The following ERC2 variants were observed in gnomAD, a reference collection of about 807,000 sequenced individuals.
The protein encoded by ERC2 is ERC protein 2.
A neutral mutation model predicts 114.8 loss-of-function variants in ERC2; 42 were observed. The ratio of observed to expected loss-of-function variants is 0.37; its 90% CI spans 0.29 to 0.47. The LOEUF is 0.47. Ranked by LOEUF, ERC2 falls within the 20% of genes least tolerant of loss-of-function variation. The pLI is 0.99. For synonymous variants in ERC2, 454 were observed against 425.5 expected (o/e 1.07, Z -0.82); for missense variants, 939 against 1,150.7 (o/e 0.82, Z 2.66).
intron 17 of ERC2, among the ~76,000 whole-genome samples, chr3:55,620,467 G>A (rs1425049482): frequency 5.3e-5 from 8 of 152,160 alleles, no homozygotes; most frequent in Admixed American, 2.6e-4. Context: ...CCCTAAAGCA[G>A]CACGGACTTG....
In ERC2 at chr3:55,733,534, TCTCTCTCTCACACA is replaced by T. The variant is rs1271996120; in HGVS notation, c.2712+1223_2712+1236del. 1.6e-3 allele frequency among the ~76,000 whole-genome samples: 91 copies of T among 55,566 alleles called. 1 individual carries two copies. Among genetic ancestry groups the T allele is most frequent in the East Asian group, 8.1e-3 (22 of 2,716 alleles). 36.5% of individuals were successfully genotyped at this position (55,566 alleles called of 152,430 possible). ...CATTCTCTCTGTCTCTCATTCTTTC[TCTCTCTCTCACACA>T]CACACACACACACACACACACACAC... On this transcript the variant is annotated intron_variant, in intron 15 of 17. Transcript: ENST00000288221.
At chr3:55,568,541 C>T (rs1241074753) in intron 17 of ERC2, among the ~76,000 whole-genome samples, 5 of 152,212 alleles carry the variant, frequency 3.3e-5, no homozygotes, top group Non-Finnish European at 7.3e-5. Context: ...GTTCCACATC[C>T]AATATTTCAG....
At chr3:55,916,540 G>A (rs1345705011) in intron 13 of ERC2, among the ~76,000 whole-genome samples, 2 of 152,046 alleles carry the variant, frequency 1.3e-5, no homozygotes, top group African/African-American at 2.4e-5. Flanking sequence ...AAGTTACACC[G>A]ACTACACCTC....
At chr3:56,390,410 C>T (rs141723402) in intron 2 of ERC2, among the ~76,000 whole-genome samples, 1 of 152,260 alleles carries the variant, frequency 6.6e-6, no homozygotes, top group East Asian at 1.9e-4. Flanking sequence ...CTGCCCCTTA[C>T]CTAAATGGTT....
chr3:56,142,215 A>C (rs2080894503), intron 5 of ERC2, among the ~76,000 whole-genome samples: 1 of 152,178 alleles, frequency 6.6e-6, no homozygotes, highest in Non-Finnish European at 1.5e-5. Context: ...TTTGCAGGAA[A>C]CGTCTAAAAA....
intron 3 of ERC2, among the ~76,000 whole-genome samples, chr3:56,203,195 A>C (rs2048504718): frequency 6.6e-6 from 1 of 152,242 alleles, no homozygotes; most frequent in African/African-American, 2.4e-5. Context: ...ATCAGAGACC[A>C]TCAAGAATGG....
Position 56,239,220 on chromosome 3 carries a change from T to C in ERC2, c.1074+56799A>G, listed in dbSNP as rs529530154. The stretch of plus-strand genomic sequence containing the variant: ...AGACTCAGCATCCAAACAATAACTT[T>C]ATAAAGAATAAACGAGCCAGGCATG... On this transcript the variant is annotated intron_variant, in intron 3 of 17. Coordinates refer to ENST00000288221, the MANE Select transcript of ERC2 (RefSeq NM_015576.3). Among the ~76,000 whole-genome samples the C allele has an allele frequency of 2.6e-5, 4 of 152,276 alleles. No homozygotes were observed. The East Asian group carries it at 7.7e-4, about 29-fold the overall frequency.
intron 17 of ERC2, among the ~76,000 whole-genome samples, chr3:55,596,191 G>C (rs1204044358): frequency 6.6e-6 from 1 of 152,066 alleles, no homozygotes; most frequent in Admixed American, 6.6e-5. Context: ...AAAGGAGAAG[G>C]GAACAAAAGA....
At chr3:56,088,025 C>T (rs534001894) in intron 6 of ERC2, among the ~76,000 whole-genome samples, 2 of 152,236 alleles carry the variant, frequency 1.3e-5, no homozygotes, top group African/African-American at 2.4e-5. Context: ...ACTTCTCAGG[C>T]GCCTTTTGGG....
In ERC2 at chr3:55,873,951, T is replaced by C. The variant is rs188304033; in HGVS notation, c.2564+14438A>G. Among the ~76,000 whole-genome samples, 14 of 152,340 alleles carry C rather than the reference T, an allele frequency of 9.2e-5. No homozygotes were observed. In the East Asian group the frequency reaches 2.7e-3, roughly 29 times the overall value. ...GTTAACTAGGTAGTCAATAAATAAA[T>C]ATTTGTTTATTCTCTCAAGAAATAA... On this transcript the variant is annotated intron_variant, in intron 14 of 17. Transcript: ENST00000288221.
In ERC2 at chr3:55,943,178, C is replaced by T. The variant is rs76854110; in HGVS notation, c.2403+7247G>A. ...GAACACGATTGCACCCTAGGGATTA[C>T]ACAAGTCCTGTGTGTGAGTTATTAC... On this transcript the variant is annotated intron_variant, in intron 13 of 17. Coordinates refer to ENST00000288221, the MANE Select transcript of ERC2 (RefSeq NM_015576.3). Among the ~76,000 whole-genome samples, 337 of 152,298 alleles carry T rather than the reference C, an allele frequency of 2.2e-3. 3 individuals carry two copies. In the Middle Eastern group the frequency reaches 0.031, roughly 14 times the overall value.
intron 1 of ERC2, among the ~76,000 whole-genome samples, chr3:56,458,876 C>T (rs971562320): frequency 4.6e-5 from 7 of 152,294 alleles, no homozygotes; most frequent in Admixed American, 1.3e-4. Flanking sequence ...CTGCTCCTCT[C>T]GGAACCCGCC....
intron 11 of ERC2, 30 bp from the exon 12 acceptor site, chr3:55,986,018 T>A: frequency 6.5e-7 from 1 of 1,538,012 alleles, no homozygotes; most frequent in Non-Finnish European, 8.7e-7. Flanking sequence ...AAGCAGCAAT[T>A]TGGAGGATAA....
intron 15 of ERC2, among the ~76,000 whole-genome samples, chr3:55,714,533 T>A (rs556527376): frequency 2.4e-4 from 36 of 151,786 alleles, no homozygotes; most frequent in African/African-American, 8.2e-4. Flanking sequence ...GGAAAGTGCA[T>A]CACAACATAT....
At chr3:55,861,316 C>A (rs1056959615) in intron 14 of ERC2, among the ~76,000 whole-genome samples, 1 of 152,214 alleles carries the variant, frequency 6.6e-6, no homozygotes, top group African/African-American at 2.4e-5. Flanking sequence ...TGGAAGCCAG[C>A]GCAGCTGGTT....
At chr3:55,995,386 C>T (rs2071427503) in intron 10 of ERC2, among the ~76,000 whole-genome samples, 1 of 152,064 alleles carries the variant, frequency 6.6e-6, no homozygotes, top group Admixed American at 6.6e-5. Context: ...TCAAGAATAC[C>T]TGTGAGTTAA....
chr3:55,610,072 A>C (rs558523552), intron 17 of ERC2, among the ~76,000 whole-genome samples: 17,686 of 149,358 alleles, frequency 0.12, 1,682 homozygotes, highest in African/African-American at 0.28. Flanking sequence ...AACAAAAAAA[A>C]AAAAAAAAAA....
intron 17 of ERC2, among the ~76,000 whole-genome samples, chr3:55,545,217 C>A (rs1294719562): frequency 6.6e-6 from 1 of 152,230 alleles, no homozygotes; most frequent in Non-Finnish European, 1.5e-5. Flanking sequence ...TAGATTCTTG[C>A]CATAGTTTGC....
chr3:55,695,470 A>C (rs2062880330), intron 16 of ERC2, among the ~76,000 whole-genome samples: 1 of 152,236 alleles, frequency 6.6e-6, no homozygotes, highest in Admixed American at 6.5e-5. Context: ...CACTGCACTG[A>C]CTTCTCTTAC....
Sources: allele counts gnomAD v4.1 joint callset (sites outside exome capture counted in the v4.1 genomes callset), GRCh38; gene constraint gnomAD v4.1.1; transcripts MANE v1.5; gene names NCBI Gene and HGNC (gene_info 2026-07-23, HGNC 2026-07-21).